TRAK1: variants seen among roughly 807,000 people sequenced by gnomAD.
TRAK1 encodes the protein trafficking kinesin protein 1.
A neutral mutation model predicts 92.1 loss-of-function variants in TRAK1; 33 were observed. The observed-to-expected ratio is 0.36, with a 90% CI of 0.27 to 0.48. The LOEUF (loss-of-function observed/expected upper bound fraction) is 0.48. Among genes scored for constraint, TRAK1 ranks in the 20% least tolerant of loss-of-function variants. TRAK1 has a pLI of 0.99. For synonymous variants in TRAK1, 521 were observed against 517.3 expected, an observed-to-expected ratio of 1.01 and a Z score of -0.10; for missense variants, 1,123 against 1,257.9, an observed-to-expected ratio of 0.89 and a Z score of 1.62.
At chr3:42,118,829 G>A (rs1470774827) in intron 1 of TRAK1, among the ~76,000 whole-genome samples, 1 of 152,204 alleles carries the variant, frequency 6.6e-6, no homozygotes, top group Non-Finnish European at 1.5e-5. Flanking sequence ...AAGAATGGTA[G>A]GTATTGGATT....
chr3:42,120,036 A>G (rs1559793145), intron 1 of TRAK1, among the ~76,000 whole-genome samples: 2 of 152,200 alleles, frequency 1.3e-5, no homozygotes, highest in East Asian at 3.8e-4. Context: ...TTCCATCTCT[A>G]TTTAAAACAA....
chr3:42,131,683 A>G (rs1415549274), intron 2 of TRAK1, among the ~76,000 whole-genome samples: 1 of 151,890 alleles, frequency 6.6e-6, no homozygotes, highest in African/African-American at 2.4e-5. Context: ...GTGCCACTGC[A>G]CTCCAGCCTG....
chr3:42,216,392 G>A (rs924382005), intron 14 of TRAK1, among the ~76,000 whole-genome samples: 1 of 152,160 alleles, frequency 6.6e-6, no homozygotes, highest in African/African-American at 2.4e-5. Flanking sequence ...AGGAGCATGG[G>A]CACTCAGTGC....
intron 1 of TRAK1, among the ~76,000 whole-genome samples, chr3:42,106,226 A>G (rs1304984900): frequency 3.9e-5 from 6 of 152,254 alleles, no homozygotes; most frequent in African/African-American, 1.2e-4. Context: ...CAGACTGGCA[A>G]ATTGGATAAA....
intron 2 of TRAK1, among the ~76,000 whole-genome samples, chr3:42,164,289 A>G (rs1411532459): frequency 6.6e-6 from 1 of 152,230 alleles, no homozygotes; most frequent in Non-Finnish European, 1.5e-5. Flanking sequence ...TTTGGTTGAA[A>G]TCTGTAAGAT....
At chr3:42,125,706 G>A (rs1374316728) in intron 2 of TRAK1, 92 bp downstream of exon 2, 1 of 1,410,572 alleles carries the variant, frequency 7.1e-7, no homozygotes, top group Non-Finnish European at 9.7e-7. Context: ...TGGCTACCCT[G>A]TGATGTGGCT....
intron 11 of TRAK1, among the ~76,000 whole-genome samples, chr3:42,200,031 C>T (rs1414618821): frequency 6.6e-6 from 1 of 152,198 alleles, no homozygotes; most frequent in African/African-American, 2.4e-5. Context: ...ATCTGTCTTC[C>T]TACCTCAACT....
intron 12 of TRAK1, among the ~76,000 whole-genome samples, chr3:42,201,649 G>A (rs1405515004): frequency 2.0e-5 from 3 of 151,600 alleles, no homozygotes; most frequent in Admixed American, 6.6e-5. Context: ...TAATCTTCAC[G>A]GTAAGGCTAC....
At chr3:42,145,024 T>A (rs913821552) in intron 2 of TRAK1, among the ~76,000 whole-genome samples, 1 of 152,250 alleles carries the variant, frequency 6.6e-6, no homozygotes, top group African/African-American at 2.4e-5. Context: ...ATACAAGTAA[T>A]ACATGCGGAT....
At chr3:42,176,313 T>G (rs1559877151) in intron 2 of TRAK1, among the ~76,000 whole-genome samples, 1 of 152,220 alleles carries the variant, frequency 6.6e-6, no homozygotes, top group Non-Finnish European at 1.5e-5. Context: ...GAGGGGGCTA[T>G]GCCATTATGA....
At chr3:42,195,078 AAG>A in intron 10 of TRAK1, 137 bp downstream of exon 10, 1 of 1,078,012 alleles carries the variant, frequency 9.3e-7, no homozygotes, top group Non-Finnish European at 1.3e-6. Context: ...AGTCTGAATC[AAG>A]GACACTTGAA....
intron 14 of TRAK1, chr3:42,211,377 T>A: frequency 2.0e-6 from 2 of 985,466 alleles, no homozygotes; most frequent in African/African-American, 1.7e-5. Flanking sequence ...TGATTTTTTT[T>A]AGGCAGTTAT....
At chr3:42,154,018 T>A (rs907042534) in intron 2 of TRAK1, among the ~76,000 whole-genome samples, 9 of 152,224 alleles carry the variant, frequency 5.9e-5, no homozygotes, top group African/African-American at 1.9e-4. Context: ...TAACTGTTTT[T>A]ATTATCACTG....
intron 1 of TRAK1, among the ~76,000 whole-genome samples, chr3:42,017,117 C>T (rs1489063652): frequency 1.3e-5 from 2 of 152,048 alleles, no homozygotes; most frequent in East Asian, 1.9e-4. Context: ...AAAAAGTAGC[C>T]GGGCGTGGCA....
chr3:42,038,570 G>C (rs1321714599), intron 1 of TRAK1, among the ~76,000 whole-genome samples: 1 of 152,140 alleles, frequency 6.6e-6, no homozygotes, highest in African/African-American at 2.4e-5. Flanking sequence ...TGGATCACCT[G>C]AGCTCAGGAG....
chr3:42,207,850 A>G (rs908989691), intron 13 of TRAK1, among the ~76,000 whole-genome samples: 1 of 152,186 alleles, frequency 6.6e-6, no homozygotes, highest in Non-Finnish European at 1.5e-5. Flanking sequence ...ACAGCTCTAG[A>G]GAAAGGCTTC....
chr3:42,132,043 TGG>T (rs1322758721), intron 2 of TRAK1, among the ~76,000 whole-genome samples: 1 of 151,870 alleles, frequency 6.6e-6, no homozygotes, highest in African/African-American at 2.4e-5. Flanking sequence ...CACTCCAGCC[TGG>T]GCAACAGAGC....
chr3:42,123,009 T>C (rs1396030610), intron 1 of TRAK1, among the ~76,000 whole-genome samples: 1 of 152,152 alleles, frequency 6.6e-6, no homozygotes, highest in East Asian at 1.9e-4. Context: ...TTCCTTGACA[T>C]TTTGGAAAAC....
intron 14 of TRAK1, among the ~76,000 whole-genome samples, chr3:42,214,652 G>A (rs1228213461): frequency 6.6e-6 from 1 of 152,148 alleles, no homozygotes; most frequent in African/African-American, 2.4e-5. Flanking sequence ...AAGAAGAGTC[G>A]ACTTTTAATT....
Sources: allele counts gnomAD v4.1 joint callset (sites outside exome capture counted in the v4.1 genomes callset), GRCh38; gene constraint gnomAD v4.1.1; transcripts MANE v1.5; gene names NCBI Gene and HGNC (gene_info 2026-07-23, HGNC 2026-07-21).